Variants in ZFHX4 observed in about 807,000 individuals in gnomAD.
ZFHX4 encodes zinc finger homeobox 4.
Under a neutral mutation model 267.6 loss-of-function variants are expected in ZFHX4, and 56 were observed. The ratio of observed to expected loss-of-function variants is 0.21; its 90% CI spans 0.17 to 0.26. The LOEUF is 0.26. Ranked by LOEUF, ZFHX4 falls within the 10% of genes least tolerant of loss-of-function variation. The pLI is 1.00. For missense variants in ZFHX4, 4,332 were observed against 4,420.0 expected (o/e 0.98, Z 0.56); for synonymous variants, 1,778 against 1,665.6 (o/e 1.07, Z -1.64).
chr8:76,737,600 G>A (rs950028771), intron 3 of ZFHX4, among the ~76,000 whole-genome samples: 5 of 152,020 alleles, frequency 3.3e-5, no homozygotes, highest in African/African-American at 7.2e-5. Flanking sequence ...CTAACCTTCC[G>A]TTTCTTCATT....
At chr8:76,848,191 G>T (rs953312654) in intron 6 of ZFHX4, among the ~76,000 whole-genome samples, 1 of 152,128 alleles carries the variant, frequency 6.6e-6, no homozygotes, top group African/African-American at 2.4e-5. Context: ...ACCCAATGTC[G>T]CTGTAATATC....
chr8:76,735,060 A>G (rs1022579452), intron 3 of ZFHX4, among the ~76,000 whole-genome samples: 3 of 152,250 alleles, frequency 2.0e-5, no homozygotes, highest in Admixed American at 6.5e-5. Context: ...TGATTGATAG[A>G]TATAATGTGA....
chr8:76,839,458 G>A lies in ZFHX4; in HGVS notation c.3395-3197G>A, dbSNP rs182560472. The stretch of plus-strand genomic sequence containing the variant: ...TGTCTGAAAATTGGGATGTTCAAAT[G>A]GACCTTGATATACATGGTAAGCTTA... On this transcript the variant is annotated intron_variant, in intron 5 of 10. Transcript: ENST00000651372. Among the ~76,000 whole-genome samples the A allele has an allele frequency of 7.2e-5, 11 of 152,108 alleles. No individual in the cohort carries two copies. The East Asian group carries it at 9.7e-4, about 13-fold the overall frequency.
chr8:76,692,041 T>C (rs1486255025), intron 1 of ZFHX4, among the ~76,000 whole-genome samples: 1 of 152,120 alleles, frequency 6.6e-6, no homozygotes, highest in Non-Finnish European at 1.5e-5. Context: ...GGCATCTAGG[T>C]TGACAGGTGG....
intron 1 of ZFHX4, among the ~76,000 whole-genome samples, chr8:76,689,628 T>C (rs1172354449): frequency 6.6e-6 from 1 of 152,142 alleles, no homozygotes; most frequent in Non-Finnish European, 1.5e-5. Context: ...CCTTGTGATC[T>C]TGCTGGACTT....
At chr8:76,690,886 AG>A (rs1271237993) in intron 1 of ZFHX4, among the ~76,000 whole-genome samples, 1 of 152,098 alleles carries the variant, frequency 6.6e-6, no homozygotes, top group African/African-American at 2.4e-5. Flanking sequence ...AACAGAAAAG[AG>A]CAACTAGGAT....
At chr8:76,846,204 T>TGTA (rs1381053815) in intron 6 of ZFHX4, among the ~76,000 whole-genome samples, 3 of 152,178 alleles carry the variant, frequency 2.0e-5, no homozygotes, top group Admixed American at 2.0e-4. Context: ...ACGCATAGAA[T>TGTA]GTAACATCCT....
In ZFHX4 at chr8:76,707,634, A is replaced by G. The variant is rs1038789457; in HGVS notation, c.2679A>G (p.Ser893=). 6 of 1,613,588 alleles carry G rather than the reference A, an allele frequency of 3.7e-6. No homozygotes were observed. The highest frequency in any genetic ancestry group is 5.1e-6 in the Non-Finnish European group (6 of 1,179,878). Residue 893 remains serine (S), a synonymous_variant, in exon 3 of 11, where the codon TCA becomes TCG. Coordinates refer to ENST00000651372, the MANE Select transcript of ZFHX4 (RefSeq NM_024721.5). ...DLSLLTAGEL[S]PYISDPALKL... ...CCCTCCTTACTGCAGGAGAGCTGTC[A>G]CCTTATATCAGTGACCCAGCGCTGA...
intron 4 of ZFHX4, among the ~76,000 whole-genome samples, chr8:76,811,433 T>C (rs1811375425): frequency 6.6e-6 from 1 of 152,232 alleles, no homozygotes; most frequent in Non-Finnish European, 1.5e-5. Context: ...TGGTGGCTTC[T>C]ATACTTATGA....
At chr8:76,762,489 T>C (rs1346726632) in intron 3 of ZFHX4, among the ~76,000 whole-genome samples, 1 of 152,168 alleles carries the variant, frequency 6.6e-6, no homozygotes, top group African/African-American at 2.4e-5. Context: ...TATTTAAAAA[T>C]GTATAATACT....
In ZFHX4 at chr8:76,704,430, C is replaced by T. The variant is rs1366529219; in HGVS notation, c.342C>T (p.Ser114=). The part of the protein sequence containing the change: ...RLPVLKDDNE[S]EISELEDSDV... ...CTGTCCTGAAGGATGACAACGAGAG[C>T]GAGATCAGCGAGTTAGAGGACAGTG... The change falls in exon 2 of 11, where the codon AGC becomes AGT. Residue 114 remains serine, a synonymous_variant. Transcript: ENST00000651372. The T allele has an allele frequency of 3.7e-6, 6 of 1,613,924 alleles. No individual in the cohort carries two copies. Among genetic ancestry groups the T allele is most frequent in the South Asian group, 2.2e-5 (2 of 91,078 alleles).
At chr8:76,778,104 C>T in intron 3 of ZFHX4, 104 bp from the exon 4 acceptor site, 3 of 746,408 alleles carry the variant, frequency 4.0e-6, no homozygotes, top group South Asian at 1.5e-5. Context: ...TGCATTTGAG[C>T]ATCTGTGTAA....
intron 3 of ZFHX4, among the ~76,000 whole-genome samples, chr8:76,734,602 T>A (rs1809109059): frequency 6.6e-6 from 1 of 152,188 alleles, no homozygotes; most frequent in Non-Finnish European, 1.5e-5. Flanking sequence ...GGGTTTGGCC[T>A]GAAATGCTGA....
At chr8:76,730,116 ATT>A (rs1476742289) in intron 3 of ZFHX4, among the ~76,000 whole-genome samples, 1 of 152,150 alleles carries the variant, frequency 6.6e-6, no homozygotes, top group Non-Finnish European at 1.5e-5. Context: ...GAAAAAAATA[ATT>A]CATCTTGAAT....
At chr8:76,823,811 A>G (rs1335334466) in intron 4 of ZFHX4, among the ~76,000 whole-genome samples, 1 of 152,246 alleles carries the variant, frequency 6.6e-6, no homozygotes, top group African/African-American at 2.4e-5. Context: ...TATAATTCAC[A>G]AAATAAATAA....
intron 4 of ZFHX4, among the ~76,000 whole-genome samples, chr8:76,790,654 T>TTTA (rs1810811005): frequency 6.6e-6 from 1 of 152,180 alleles, no homozygotes; most frequent in Admixed American, 6.5e-5. Context: ...TTTGGTCTTC[T>TTTA]GTGAAAGGAA....
At chr8:76,736,067 A>C (rs369683955) in intron 3 of ZFHX4, among the ~76,000 whole-genome samples, 5 of 152,158 alleles carry the variant, frequency 3.3e-5, no homozygotes, top group African/African-American at 1.2e-4. Context: ...TTTATTTTGA[A>C]TCCTAAAGCA....
At position 76,852,350 on chromosome 8, in the gene ZFHX4, T is replaced by C; in HGVS notation, c.5429T>C (p.Leu1810Pro). 1.3e-6 allele frequency: 2 copies of C among 1,553,336 alleles called. No individual in the cohort carries two copies. The highest frequency in any genetic ancestry group is 2.4e-5 in the South Asian group (2 of 84,338). ...CAATACCAAGCCACACAGCCCCAGC[T>C]GCAGCCTCAAAAACAACAGCAGCAG... ...AQQYQATQPQ[L>P]QPQKQQQQPP... Residue 1810 changes from leucine to proline, a missense_variant, in exon 10 of 11, where the codon CTG becomes CCG. Leu to Pro is a moderately conservative substitution (Grantham distance 98). Around this residue, in one of 7 missense-constraint regions of ZFHX4, gnomAD observed 1,371 missense variants for 1,423.1 expected, o/e 0.96. Coordinates refer to ENST00000651372, the MANE Select transcript of ZFHX4 (RefSeq NM_024721.5).
intron 3 of ZFHX4, among the ~76,000 whole-genome samples, chr8:76,727,272 A>T (rs989588458): frequency 1.3e-5 from 2 of 152,064 alleles, no homozygotes; most frequent in Non-Finnish European, 2.9e-5. Context: ...TTGGGGCCGC[A>T]GCCACATTTT....
Sources: allele counts gnomAD v4.1 joint callset (sites outside exome capture counted in the v4.1 genomes callset), GRCh38; gene constraint gnomAD v4.1.1; regional missense constraint gnomAD v4.1.1; transcripts MANE v1.5; gene names NCBI Gene and HGNC (gene_info 2026-07-23, HGNC 2026-07-21).